Variants in ARB2A observed in about 807,000 individuals in gnomAD.
ARB2A encodes the protein ARB2 cotranscriptional regulator A.
At chr5:93,986,598 G>A in the ARB2A span, among the ~76,000 whole-genome samples, 2 of 152,198 alleles carry the variant, frequency 1.3e-5, no homozygotes, top group Non-Finnish European at 2.9e-5. Flanking sequence ...TGTGGGGAGA[G>A]GAGAGATCAG....
chr5:93,853,266 A>G, the ARB2A span, among the ~76,000 whole-genome samples: 1 of 151,866 alleles, frequency 6.6e-6, no homozygotes, highest in African/African-American at 2.4e-5. Flanking sequence ...TTTGTCTGTT[A>G]TTGGTGTATA....
chr5:93,635,459 G>GTTTTTTTTTT, the ARB2A span, among the ~76,000 whole-genome samples: 34 of 128,912 alleles, frequency 2.6e-4, 3 homozygotes, highest in African/African-American at 1.0e-3. Flanking sequence ...TTATACGAAA[G>GTTTTTTTTTT]TTTTTTTTTT....
At chr5:93,743,461 A>G in the ARB2A span, 4 of 840,326 alleles carry the variant, frequency 4.8e-6, no homozygotes, top group East Asian at 3.7e-4. Context: ...GACAGTCTAT[A>G]AAAAACAGCT....
chr5:94,032,269 G>A, the ARB2A span, among the ~76,000 whole-genome samples: 4 of 152,122 alleles, frequency 2.6e-5, no homozygotes, highest in Admixed American at 2.6e-4. Flanking sequence ...AAGGAAACAT[G>A]GTGCTGTCAT....
the ARB2A span, among the ~76,000 whole-genome samples, chr5:93,761,565 G>T: frequency 6.6e-6 from 1 of 152,192 alleles, no homozygotes; most frequent in Non-Finnish European, 1.5e-5. Flanking sequence ...TGGGAAGCTC[G>T]AACTGGGTGG....
At chr5:93,629,953 A>C in the ARB2A span, among the ~76,000 whole-genome samples, 1 of 152,126 alleles carries the variant, frequency 6.6e-6, no homozygotes, top group African/African-American at 2.4e-5. Context: ...CTAATATATA[A>C]CAATCAGGAG....
chr5:93,765,870 A>C, the ARB2A span, among the ~76,000 whole-genome samples: 3 of 152,138 alleles, frequency 2.0e-5, no homozygotes, highest in African/African-American at 4.8e-5. Context: ...ACAGAGCCCT[A>C]TGAAATAATG....
At chr5:93,724,668 A>G in the ARB2A span, among the ~76,000 whole-genome samples, 1,460 of 152,180 alleles carry the variant, frequency 9.6e-3, 14 homozygotes, top group Non-Finnish European at 0.013. Flanking sequence ...TAGGTGATAC[A>G]GTAATCCTCC....
chr5:93,796,822 GAA>G, the ARB2A span, among the ~76,000 whole-genome samples: 19 of 152,138 alleles, frequency 1.2e-4, no homozygotes, highest in African/African-American at 4.6e-4. Flanking sequence ...CTGAAATAAT[GAA>G]AGTCTGCAGA....
chr5:93,905,602 G>A, the ARB2A span, among the ~76,000 whole-genome samples: 1 of 151,490 alleles, frequency 6.6e-6, no homozygotes, highest in Non-Finnish European at 1.5e-5. Context: ...ACAAATATGA[G>A]ATACCAATAA....
At chr5:93,756,763 C>T in the ARB2A span, among the ~76,000 whole-genome samples, 32 of 152,004 alleles carry the variant, frequency 2.1e-4, no homozygotes, top group Admixed American at 1.5e-3. Flanking sequence ...AGAGCCCACC[C>T]AAATGGGAAG....
At chr5:93,864,329 G>T in the ARB2A span, among the ~76,000 whole-genome samples, 11 of 152,052 alleles carry the variant, frequency 7.2e-5, no homozygotes, top group Non-Finnish European at 1.2e-4. Flanking sequence ...AGCAAAAGAA[G>T]AAAATAATTA....
the ARB2A span, among the ~76,000 whole-genome samples, chr5:93,884,319 C>T: frequency 3.1e-4 from 47 of 151,644 alleles, no homozygotes; most frequent in African/African-American, 1.1e-3. Flanking sequence ...GAAAAATTAT[C>T]GTGCCTACTT....
the ARB2A span, among the ~76,000 whole-genome samples, chr5:93,835,317 G>A: frequency 6.6e-6 from 1 of 152,154 alleles, no homozygotes; most frequent in Non-Finnish European, 1.5e-5. Flanking sequence ...ATTTTCTAAG[G>A]TTAATTAGCT....
chr5:93,950,701 T>C, the ARB2A span, among the ~76,000 whole-genome samples: 1 of 150,600 alleles, frequency 6.6e-6, no homozygotes, highest in Middle Eastern at 3.3e-3. Flanking sequence ...TCCCAGCACT[T>C]TGGGAGGCCA....
the ARB2A span, among the ~76,000 whole-genome samples, chr5:93,867,863 C>G: frequency 6.6e-6 from 1 of 151,252 alleles, no homozygotes; most frequent in East Asian, 1.9e-4. Context: ...AAAAAAAAAA[C>G]CTATTGTTTT....
chr5:93,865,309 C>T, the ARB2A span: 2,106 of 687,780 alleles, frequency 3.1e-3, 4 homozygotes, highest in Non-Finnish European at 3.5e-3. Flanking sequence ...TCTCGATCTC[C>T]TGACCTTGTG....
the ARB2A span, among the ~76,000 whole-genome samples, chr5:93,971,761 T>C: frequency 6.6e-6 from 1 of 152,152 alleles, no homozygotes; most frequent in Non-Finnish European, 1.5e-5. Flanking sequence ...TGTAACTGAA[T>C]AATTGGTTGG....
chr5:94,058,721 T>C, the ARB2A span, among the ~76,000 whole-genome samples: 2 of 152,186 alleles, frequency 1.3e-5, no homozygotes, highest in African/African-American at 4.8e-5. Context: ...CAATGTCAAG[T>C]TGTCTAATAC....
Sources: allele counts gnomAD v4.1 joint callset (sites outside exome capture counted in the v4.1 genomes callset), GRCh38; gene constraint gnomAD v4.1.1; transcripts MANE v1.5; gene names NCBI Gene and HGNC (gene_info 2026-07-23, HGNC 2026-07-21).